The following GALNS variants were observed in gnomAD, a reference collection of about 807,000 sequenced individuals.
The protein encoded by GALNS is N-acetylgalactosamine-6-sulfatase.
A neutral mutation model predicts 65.9 loss-of-function variants in GALNS; 65 were observed. That is an observed-to-expected ratio of 0.99 (90% CI 0.81 to 1.21). The LOEUF (loss-of-function observed/expected upper bound fraction) is 1.21. Among genes scored for constraint, GALNS ranks in the 50% most tolerant of loss-of-function variants. The pLI, the probability that GALNS is intolerant of heterozygous loss-of-function variation, is 0.00. For synonymous variants in GALNS, 346 were observed against 288.9 expected, an observed-to-expected ratio of 1.20 and a Z score of -2.00; for missense variants, 776 against 700.7, an observed-to-expected ratio of 1.11 and a Z score of -1.21.
intron 13 of GALNS, among the ~76,000 whole-genome samples, chr16:88,814,861 G>A (rs562296561): frequency 2.4e-4 from 37 of 151,860 alleles, no homozygotes; most frequent in Non-Finnish European, 4.4e-4. Context: ...GGCCTCCCAA[G>A]GTGCTGGGAT....
intron 12 of GALNS, among the ~76,000 whole-genome samples, chr16:88,821,470 C>T (rs79634548): frequency 0.042 from 6,457 of 152,270 alleles, 167 homozygotes; most frequent in South Asian, 0.082. Flanking sequence ...CACTGCTGTC[C>T]ACTCCAGGCT....
intron 5 of GALNS, 46 bp downstream of exon 5, chr16:88,837,576 C>T: frequency 6.2e-7 from 1 of 1,601,474 alleles, no homozygotes; most frequent in Non-Finnish European, 8.5e-7. Flanking sequence ...GCACGCCGGG[C>T]ACAGCAGTTC....
intron 13 of GALNS, chr16:88,815,523 G>C: frequency 1.0e-6 from 1 of 985,496 alleles, no homozygotes; most frequent in Non-Finnish European, 1.2e-6. Context: ...TGCTTGATGG[G>C]AGGGCACTTT....
At chr16:88,848,530 G>C (rs548682785) in intron 1 of GALNS, among the ~76,000 whole-genome samples, 49 of 151,732 alleles carry the variant, frequency 3.2e-4, no homozygotes, top group African/African-American at 1.2e-3. Flanking sequence ...CTACTCGGGA[G>C]GCTGAGGCAG....
intron 9 of GALNS, among the ~76,000 whole-genome samples, chr16:88,828,795 C>T (rs1911185385): frequency 1.3e-5 from 2 of 152,202 alleles, no homozygotes; most frequent in South Asian, 4.1e-4. Context: ...TGGAGCCGGG[C>T]GGCGCTGGGG....
At chr16:88,853,760 C>T (rs760406574) in intron 1 of GALNS, among the ~76,000 whole-genome samples, 35 of 152,236 alleles carry the variant, frequency 2.3e-4, no homozygotes, top group Non-Finnish European at 3.1e-4. Context: ...AGCCAGGCCG[C>T]GCTGGACCGT....
chr16:88,826,414 G>A (rs527678368), intron 10 of GALNS, among the ~76,000 whole-genome samples: 75 of 151,880 alleles, frequency 4.9e-4, no homozygotes, highest in African/African-American at 1.7e-3. Flanking sequence ...GCATGTGCCC[G>A]GGTACAGGCA....
intron 13 of GALNS, chr16:88,815,751 G>T: frequency 1.0e-6 from 1 of 985,460 alleles, no homozygotes; most frequent in Non-Finnish European, 1.2e-6. Flanking sequence ...GATGCCGCAT[G>T]AGTGTCCCTG....
At chr16:88,852,300 T>C (rs375773173) in intron 1 of GALNS, among the ~76,000 whole-genome samples, 3 of 152,318 alleles carry the variant, frequency 2.0e-5, no homozygotes, top group African/African-American at 7.2e-5. Flanking sequence ...ACCTGACTCT[T>C]ATAAGGAAAA....
intron 6 of GALNS, 116 bp from the exon 7 acceptor site, chr16:88,835,965 G>A (rs1042147488): frequency 2.0e-5 from 29 of 1,473,784 alleles, no homozygotes; most frequent in Admixed American, 8.8e-5. Flanking sequence ...CCGTCCCCAC[G>A]CGTCCCACGG....
chr16:88,818,454 G>A (rs1000468499), intron 12 of GALNS, among the ~76,000 whole-genome samples: 1 of 152,226 alleles, frequency 6.6e-6, no homozygotes, highest in African/African-American at 2.4e-5. Context: ...GGGCCTGTGG[G>A]TCTCCCCAGC....
chr16:88,835,683 G>A (rs1567530954), intron 7 of GALNS, 42 bp downstream of exon 7: 17 of 1,612,604 alleles, frequency 1.1e-5, no homozygotes, highest in Non-Finnish European at 1.4e-5. Context: ...AGCACAGCTG[G>A]GGCCTCCAGC....
At chr16:88,850,934 G>C (rs912620492) in intron 1 of GALNS, among the ~76,000 whole-genome samples, 3 of 152,206 alleles carry the variant, frequency 2.0e-5, no homozygotes, top group African/African-American at 7.2e-5. Context: ...AACAGCGGGG[G>C]GACCTCCTGT....
intron 1 of GALNS, among the ~76,000 whole-genome samples, chr16:88,852,224 T>C (rs1967537936): frequency 6.6e-6 from 1 of 152,200 alleles, no homozygotes; most frequent in Admixed American, 6.5e-5. Context: ...CCTCCACTGG[T>C]GATACCCAGG....
At position 88,817,205 on chromosome 16, in the gene GALNS, G is replaced by T. The variant is rs932976361; in HGVS notation, c.1482+802C>A. On this transcript the variant is annotated intron_variant, in intron 13 of 13. Coordinates refer to ENST00000268695, the MANE Select transcript of GALNS (RefSeq NM_000512.5). ...CCCCCAAGCAGGGGACAGAAAAGCT[G>T]CTCCTGAGAGGCCCTGACTGCTGCG... 14 of 985,040 alleles carry T rather than the reference G, an allele frequency of 1.4e-5. No homozygotes were observed. The African/African-American group carries it at 2.1e-4, about 15-fold the overall frequency. The allele number at this position is 985,040 out of a possible 1,614,324, so 61.0% of individuals were successfully genotyped here.
At chr16:88,834,848 C>G (rs900027909) in intron 8 of GALNS, among the ~76,000 whole-genome samples, 1 of 152,112 alleles carries the variant, frequency 6.6e-6, no homozygotes, top group African/African-American at 2.4e-5. Context: ...TGCTCGGGGT[C>G]TGGGGTGCCG....
intron 9 of GALNS, among the ~76,000 whole-genome samples, chr16:88,830,238 AAAAAAAAAAAAAAAAAAAC>A (rs1476171704): frequency 6.7e-6 from 1 of 149,008 alleles, no homozygotes; most frequent in African/African-American, 2.5e-5. Context: ...CTCAAAAAAA[AAAAAAAAAAAAAAAAAAAC>A]GTGGAACAGG....
intron 4 of GALNS, chr16:88,838,730 T>G (rs1352441441): frequency 1.3e-5 from 2 of 151,944 alleles, no homozygotes; most frequent in African/African-American, 4.8e-5. Flanking sequence ...GCAGGAGAGG[T>G]GGTATGAGAT....
intron 9 of GALNS, among the ~76,000 whole-genome samples, chr16:88,828,942 G>A (rs1597552221): frequency 6.6e-6 from 1 of 151,988 alleles, no homozygotes; most frequent in East Asian, 1.9e-4. Context: ...CCAGACCTAC[G>A]CAGGTCCCGA....
Sources: allele counts gnomAD v4.1 joint callset (sites outside exome capture counted in the v4.1 genomes callset), GRCh38; gene constraint gnomAD v4.1.1; transcripts MANE v1.5; gene names NCBI Gene and HGNC (gene_info 2026-07-23, HGNC 2026-07-21).